SYCP3: variants seen among roughly 807,000 people sequenced by gnomAD.
The protein encoded by SYCP3 is synaptonemal complex protein 3.
Under a neutral mutation model 38.5 loss-of-function variants are expected in SYCP3, and 29 were observed. The observed-to-expected ratio is 0.75, with a 90% CI of 0.56 to 1.03. SYCP3 has a LOEUF of 1.03. Among genes scored for constraint, SYCP3 ranks in the 50% least tolerant of loss-of-function variants. The pLI is 0.00. For synonymous variants in SYCP3, 79 were observed against 80.3 expected, an observed-to-expected ratio of 0.98 and a Z score of 0.08; for missense variants, 242 against 270.7, an observed-to-expected ratio of 0.89 and a Z score of 0.74.
intron 6 of SYCP3, chr12:101,733,263 C>A (rs767018230): frequency 1.2e-4 from 40 of 334,236 alleles, no homozygotes; most frequent in Non-Finnish European, 1.9e-4. Flanking sequence ...CATGAGCAAC[C>A]CCCTCCCTGT....
intron 1 of SYCP3, 86 bp from the exon 2 acceptor site, chr12:101,738,038 T>C (rs928061796): frequency 5.4e-6 from 8 of 1,472,664 alleles, no homozygotes; most frequent in African/African-American, 4.2e-5. Context: ...AAAGGAGATA[T>C]CGAACAAGGA....
In SYCP3 at chr12:101,737,948, C is replaced by T; in HGVS notation, c.-13G>A. 6.2e-7 allele frequency: 1 copy of T among 1,614,012 alleles called. No individual in the cohort carries two copies. The highest frequency in any genetic ancestry group is 8.5e-7 in the Non-Finnish European group (1 of 1,180,016). ...CGGAGGACACCATATTTAGATGCTTCCTGACTTTAAAAAACAAATTTCTTT... is the reference window on the plus strand; with the variant it reads ...CGGAGGACACCATATTTAGATGCTTTCTGACTTTAAAAAACAAATTTCTTT... On this transcript the variant is annotated 5_prime_UTR_variant, in exon 2 of 9. Coordinates refer to ENST00000392924, the MANE Select transcript of SYCP3 (RefSeq NM_001177949.2).
Position 101,738,873 on chromosome 12 carries a change from T to G in SYCP3, c.-18+478A>C, listed in dbSNP as rs531576816. On this transcript the variant is annotated intron_variant, in intron 1 of 8. Transcript: ENST00000392924. ...CAGATTCTGGCTAAATCTGGGCAAC[T>G]CTAGCAGGGCGCTCAGTCACGCGGG... 2.0e-5 allele frequency among the ~76,000 whole-genome samples: 3 copies of G among 152,294 alleles called. No individual in the cohort carries two copies. The East Asian group carries it at 5.8e-4, about 29-fold the overall frequency.
chr12:101,736,755 T>C lies in SYCP3; in HGVS notation c.235+282A>G, dbSNP rs1036186622. ...GTGTGTGTGTGTATCACTTAGTCTG[T>C]GAATACAAAGAAGGGTAAAGACTTT... On this transcript the variant is annotated intron_variant, in intron 4 of 8. Transcript: ENST00000392924. 4.0e-5 allele frequency among the ~76,000 whole-genome samples: 6 copies of C among 151,782 alleles called. No individual in the cohort carries two copies. The South Asian group carries it at 8.3e-4, about 21-fold the overall frequency.
At chr12:101,731,413 A>T (rs564978480) in intron 7 of SYCP3, among the ~76,000 whole-genome samples, 155 bp downstream of exon 7, 4 of 152,192 alleles carry the variant, frequency 2.6e-5, no homozygotes, top group African/African-American at 4.8e-5. Context: ...AAGTAAAAAT[A>T]TATTTATCAC....
chr12:101,733,465 C>T, intron 6 of SYCP3, 110 bp downstream of exon 6: 1 of 945,220 alleles, frequency 1.1e-6, no homozygotes, highest in Non-Finnish European at 1.7e-6. Flanking sequence ...AAACACATGG[C>T]CAGCAATGGT....
chr12:101,733,489 C>T (rs1302550567), intron 6 of SYCP3, 86 bp downstream of exon 6: 4 of 1,233,830 alleles, frequency 3.2e-6, no homozygotes, highest in East Asian at 2.3e-5. Context: ...TGAAACCTGG[C>T]TCAGTTCCAC....
chr12:101,738,598 C>T lies in SYCP3; in HGVS notation c.-17-646G>A, dbSNP rs753099924. Reference sequence around the variant, plus strand: ...CTAAAAATACAAAATTAGCCGGGCGCGGTGGCGGGTGCCTATGATCTCAGT... The same window carrying T: ...CTAAAAATACAAAATTAGCCGGGCGTGGTGGCGGGTGCCTATGATCTCAGT... On this transcript the variant is annotated intron_variant, in intron 1 of 8. Coordinates refer to ENST00000392924, the MANE Select transcript of SYCP3 (RefSeq NM_001177949.2). 6.6e-5 allele frequency among the ~76,000 whole-genome samples: 10 copies of T among 151,562 alleles called. No homozygotes were observed. In the South Asian group the frequency reaches 1.7e-3, roughly 25 times the overall value.
intron 7 of SYCP3, chr12:101,730,491 A>ATT (rs201662453): frequency 0.033 from 10,622 of 324,988 alleles, 214 homozygotes; most frequent in African/African-American, 0.094. Flanking sequence ...TGTGTGTATA[A>ATT]TTTTTTTTTT....
chr12:101,729,244 A>G (rs888081048), intron 7 of SYCP3, 31 bp from the exon 8 acceptor site: 1 of 1,603,800 alleles, frequency 6.2e-7, no homozygotes. Context: ...TTAAGTTACA[A>G]AGGACCACTT....
intron 6 of SYCP3, 129 bp from the exon 7 acceptor site, chr12:101,731,795 A>AT: frequency 3.2e-6 from 2 of 623,176 alleles, no homozygotes; most frequent in Non-Finnish European, 5.4e-6. Context: ...TTTAACAACT[A>AT]TTATGACCAC....
intron 3 of SYCP3, 55 bp from the exon 4 acceptor site, chr12:101,737,126 G>C (rs898282023): frequency 6.2e-7 from 1 of 1,609,200 alleles, no homozygotes; most frequent in African/African-American, 1.3e-5. Context: ...TACCATGCTT[G>C]TTTTGGAAGA....
At chr12:101,735,191 G>T in intron 4 of SYCP3, 147 bp from the exon 5 acceptor site, 1 of 599,688 alleles carries the variant, frequency 1.7e-6, no homozygotes, top group East Asian at 3.0e-5. Context: ...ATTTCAAAAT[G>T]CAGAATTGTT....
intron 4 of SYCP3, among the ~76,000 whole-genome samples, chr12:101,736,382 A>G (rs1436515001): frequency 1.3e-5 from 2 of 152,164 alleles, no homozygotes; most frequent in African/African-American, 4.8e-5. Context: ...GGACAGAGCA[A>G]AGGTTTCAAA....
Position 101,731,650 on chromosome 12 carries a change from T to G in SYCP3, c.470A>C (p.Gln157Pro). The G allele has an allele frequency of 1.9e-5, 30 of 1,600,670 alleles. No homozygotes were observed. Among genetic ancestry groups the G allele is most frequent in the Non-Finnish European group, 2.5e-5 (29 of 1,176,986 alleles). Reference sequence around the variant, plus strand: ...TCTAGATTGTTGAAGAATCTTTTGTTGCTGTCGAAACATATTCTACAAATA... The same window carrying G: ...TCTAGATTGTTGAAGAATCTTTTGTGGCTGTCGAAACATATTCTACAAATA... ...EEKILNMFRQ[Q>P]QKILQQSRIV... The change falls in exon 7 of 9, where the codon CAA becomes CCA. Residue 157 changes from glutamine to proline, a missense_variant. By Grantham distance (76) the Gln-to-Pro change is moderately conservative (BLOSUM62 -1). Coordinates refer to ENST00000392924, the MANE Select transcript of SYCP3 (RefSeq NM_001177949.2).
At chr12:101,737,201 T>C in intron 3 of SYCP3, 31 bp downstream of exon 3, 1 of 1,611,048 alleles carries the variant, frequency 6.2e-7, no homozygotes, top group Non-Finnish European at 8.5e-7. Flanking sequence ...GTGCTTTATC[T>C]AAGAAACAAA....
intron 1 of SYCP3, among the ~76,000 whole-genome samples, chr12:101,738,591 C>T (rs1247154343): frequency 6.6e-6 from 1 of 152,148 alleles, no homozygotes; most frequent in Non-Finnish European, 1.5e-5. Flanking sequence ...ACAAAATTAG[C>T]CGGGCGCGGT....
chr12:101,735,872 T>TATATATATATATA (rs200896843), intron 4 of SYCP3, among the ~76,000 whole-genome samples: 18 of 69,454 alleles, frequency 2.6e-4, no homozygotes, highest in South Asian at 1.1e-3. Context: ...TATATATATA[T>TATATATATATATA]TTTTTTTTTT....
chr12:101,737,329 AGCTTTTG>A, intron 2 of SYCP3, 31 bp from the exon 3 acceptor site: 3 of 1,357,300 alleles, frequency 2.2e-6, no homozygotes, highest in Non-Finnish European at 3.1e-6. Flanking sequence ...AAAAAAAAAA[AGCTTTTG>A]AAACTGAATA....
Sources: allele counts gnomAD v4.1 joint callset (sites outside exome capture counted in the v4.1 genomes callset), GRCh38; gene constraint gnomAD v4.1.1; transcripts MANE v1.5; gene names NCBI Gene and HGNC (gene_info 2026-07-23, HGNC 2026-07-21).